NRG2: variants seen among roughly 807,000 people sequenced by gnomAD.
NRG2 encodes pro-neuregulin-2, membrane-bound isoform.
Under a neutral mutation model 73.9 loss-of-function variants are expected in NRG2, and 27 were observed. The ratio of observed to expected loss-of-function variants is 0.37; its 90% CI spans 0.27 to 0.50. The LOEUF (loss-of-function observed/expected upper bound fraction) is 0.50, where lower values mean the gene tolerates loss of function less well. Among genes scored for constraint, NRG2 ranks in the 20% least tolerant of loss-of-function variants. The pLI is 0.96. For synonymous variants in NRG2, 532 were observed against 541.0 expected, an observed-to-expected ratio of 0.98 and a Z score of 0.23; for missense variants, 1,126 against 1,210.1, an observed-to-expected ratio of 0.93 and a Z score of 1.03.
At chr5:139,936,074 GA>G (rs1265609554) in intron 1 of NRG2, among the ~76,000 whole-genome samples, 5 of 151,472 alleles carry the variant, frequency 3.3e-5, no homozygotes, top group African/African-American at 9.7e-5. Flanking sequence ...TCTTATATGA[GA>G]AAAGAAGAAA....
At chr5:140,031,305 A>G (rs1381806409) in intron 1 of NRG2, among the ~76,000 whole-genome samples, 1 of 152,210 alleles carries the variant, frequency 6.6e-6, no homozygotes, top group East Asian at 1.9e-4. Flanking sequence ...GAGGGTCAGA[A>G]GTAAAACCCA....
In NRG2 at chr5:139,848,325, G is replaced by C; in HGVS notation, c.2145C>G (p.Thr715=). The change falls in exon 10 of 10, where the codon ACC becomes ACG. Residue 715 remains threonine, a synonymous_variant. Coordinates refer to ENST00000361474, the MANE Select transcript of NRG2 (RefSeq NM_004883.3). ...GCGGCGGGGGCGCGCACTCCTGCGT[G>C]GTCTCGTACTCGTCGTCCTCGGGGA... ...FRIPEDDEYE[T]TQECAPPPPP... 8.4e-7 allele frequency: 1 copy of C among 1,196,812 alleles called. No individual in the cohort carries two copies. 74.1% of individuals were successfully genotyped at this position (1,196,812 alleles called of 1,614,324 possible).
At position 139,852,515 on chromosome 5, in the gene NRG2, T is replaced by C; in HGVS notation, c.1461A>G (p.Arg487=). ...TCCCAGAGAAGGTGGTCTCAGTTTC[T>C]CTCCTGATGACATGGTCTGTGGCTG... ...NVPATDHVIR[R]ETETTFSGSH... The change falls in exon 8 of 10, where the codon AGA becomes AGG. Residue 487 remains arginine, a synonymous_variant. Coordinates refer to ENST00000361474, the MANE Select transcript of NRG2 (RefSeq NM_004883.3). The surrounding 1 kb of genome is among the most constrained non-coding windows in gnomAD (Gnocchi z 4.4). 6.2e-7 allele frequency: 1 copy of C among 1,614,068 alleles called. No individual in the cohort carries two copies. Among genetic ancestry groups the C allele is most frequent in the East Asian group, 2.2e-5 (1 of 44,886 alleles).
rs767006924 is a variant in NRG2, at chr5:139,954,303, C to G, written c.701-66792G>C. Among the ~76,000 whole-genome samples, 2 of 152,146 alleles carry G rather than the reference C, an allele frequency of 1.3e-5. No homozygotes were observed. The highest frequency in any genetic ancestry group is 2.9e-5 in the Non-Finnish European group (2 of 68,032). On this transcript the variant is annotated intron_variant, in intron 1 of 9. Transcript: ENST00000361474. The surrounding 1 kb of genome is among the most constrained non-coding windows in gnomAD (Gnocchi z 5.0). ...GCCTGGGGCCCCAGGAGACCTGCAG[C>G]GGCTGTCTAGCCCCAGGTCCCAAGG...
At chr5:139,859,985 G>C in intron 5 of NRG2, 1 of 1,415,032 alleles carries the variant, frequency 7.1e-7, no homozygotes, top group South Asian at 1.2e-5. Context: ...GGGACAGGGG[G>C]AGAGAGAGAG....
In NRG2 at chr5:139,915,573, C is replaced by T. The variant is rs1399163804; in HGVS notation, c.701-28062G>A. ...GAGATTGCTACCAGGATTTTATTCC[C>T]AGTACTGCACTCTGACCAGGTGTCA... is the stretch of plus-strand genomic sequence containing the variant. On this transcript the variant is annotated intron_variant, in intron 1 of 9. Transcript: ENST00000361474. This position sits in a 1 kb window ranked among gnomAD's most constrained non-coding sequence, Gnocchi z 4.0. Among the ~76,000 whole-genome samples, 1 of 152,190 alleles carries T rather than the reference C, an allele frequency of 6.6e-6. No individual in the cohort carries two copies. The highest frequency in any genetic ancestry group is 2.4e-5 in the African/African-American group (1 of 41,420).
chr5:139,910,703 C>T (rs898937795), intron 1 of NRG2, among the ~76,000 whole-genome samples: 2 of 152,140 alleles, frequency 1.3e-5, no homozygotes, highest in East Asian at 3.9e-4. Flanking sequence ...GTCCCCTTTT[C>T]CTTTGCTCCT....
chr5:139,968,441 C>G (rs911410769), intron 1 of NRG2, among the ~76,000 whole-genome samples: 5 of 152,192 alleles, frequency 3.3e-5, no homozygotes, highest in African/African-American at 7.2e-5. Flanking sequence ...GGCCTGTAGA[C>G]CAGAATTTTT....
intron 1 of NRG2, among the ~76,000 whole-genome samples, chr5:139,889,217 CT>C (rs1161288266): frequency 1.3e-5 from 2 of 152,030 alleles, no homozygotes; most frequent in Non-Finnish European, 2.9e-5. Flanking sequence ...TTTCTTGGAA[CT>C]CTTGGTAGCA....
At chr5:139,965,900 G>T (rs925873801) in intron 1 of NRG2, among the ~76,000 whole-genome samples, 3 of 152,092 alleles carry the variant, frequency 2.0e-5, no homozygotes, top group Admixed American at 1.3e-4. Flanking sequence ...TGTGGGCAAG[G>T]TCCCTCCTAC....
chr5:139,852,819 C>T lies in NRG2; in HGVS notation c.1416+85G>A. ...GGCTGGCCATGGGATAGGCTGGCTGCTGCCCTGGCCCATCCTTGCAGGGGG... is the reference window on the plus strand; with the variant it reads ...GGCTGGCCATGGGATAGGCTGGCTGTTGCCCTGGCCCATCCTTGCAGGGGG... On this transcript the variant is annotated intron_variant, in intron 7 of 9. Coordinates refer to ENST00000361474, the MANE Select transcript of NRG2 (RefSeq NM_004883.3). This position sits in a 1 kb window ranked among gnomAD's most constrained non-coding sequence, Gnocchi z 4.4. 3 of 1,579,424 alleles carry T rather than the reference C, an allele frequency of 1.9e-6. No individual in the cohort carries two copies. The highest frequency in any genetic ancestry group is 1.7e-6 in the Non-Finnish European group (2 of 1,166,864).
rs143408507 is a variant in NRG2, at chr5:139,918,973, A to G, written c.701-31462T>C. Among the ~76,000 whole-genome samples, 637 of 152,308 alleles carry G rather than the reference A, an allele frequency of 4.2e-3. 3 individuals carry two copies. Among genetic ancestry groups the G allele is most frequent in the African/African-American group, 0.015 (625 of 41,560 alleles). ...AGTAAGAGGAGAATTTTCTTAGAAGAATAGGGTGAGTCAACAAGTAGCAAA... is the reference window on the plus strand; with the variant it reads ...AGTAAGAGGAGAATTTTCTTAGAAGGATAGGGTGAGTCAACAAGTAGCAAA... On this transcript the variant is annotated intron_variant, in intron 1 of 9. Coordinates refer to ENST00000361474, the MANE Select transcript of NRG2 (RefSeq NM_004883.3).
intron 1 of NRG2, among the ~76,000 whole-genome samples, chr5:139,953,437 C>T (rs1227515506): frequency 6.6e-6 from 1 of 152,192 alleles, no homozygotes; most frequent in Non-Finnish European, 1.5e-5. Context: ...GAATATCTAT[C>T]TACGCCTCTT....
In NRG2 at chr5:139,852,369, G is replaced by C; in HGVS notation, c.1544+63C>G. The C allele has an allele frequency of 8.2e-6, 13 of 1,577,118 alleles. No individual in the cohort carries two copies. Among genetic ancestry groups the C allele is most frequent in the Non-Finnish European group, 1.1e-5 (13 of 1,161,448 alleles). On this transcript the variant is annotated intron_variant, in intron 8 of 9. Transcript: ENST00000361474. The surrounding 1 kb of genome is among the most constrained non-coding windows in gnomAD (Gnocchi z 4.4). ...ATAGCTCTGGATGTCGGAGTAAGTG[G>C]GCACTTTGCGCCAGATGAAGTATGT...
intron 1 of NRG2, among the ~76,000 whole-genome samples, chr5:139,997,860 C>T (rs1009767297): frequency 6.6e-6 from 1 of 152,242 alleles, no homozygotes; most frequent in African/African-American, 2.4e-5. Flanking sequence ...GAGCCTGGAA[C>T]TAAGAGAGGG....
rs895288382 is a variant in NRG2 at position 139,853,871 on chromosome 5, C to T, written c.1293-844G>A. ...TAGTATTCAATAGCATATGGGGTGACTATAGTCAATAATAATTTAATTATA... is the reference window on the plus strand; with the variant it reads ...TAGTATTCAATAGCATATGGGGTGATTATAGTCAATAATAATTTAATTATA... On this transcript the variant is annotated intron_variant, in intron 6 of 9. Coordinates refer to ENST00000361474, the MANE Select transcript of NRG2 (RefSeq NM_004883.3). This position sits in a 1 kb window ranked among gnomAD's most constrained non-coding sequence, Gnocchi z 4.1. Among the ~76,000 whole-genome samples the T allele has an allele frequency of 1.3e-5, 2 of 152,008 alleles. No homozygotes were observed. The highest frequency in any genetic ancestry group is 4.8e-5 in the African/African-American group (2 of 41,344).
rs556679398 is a variant in NRG2 at position 139,854,690 on chromosome 5, G to A, written c.1292+986C>T. ...GGGGCAGCATGAGTCCAGACCAGGGGCTCAGTCCCCAGAATGGTGGCTCTG... is the reference window on the plus strand; with the variant it reads ...GGGGCAGCATGAGTCCAGACCAGGGACTCAGTCCCCAGAATGGTGGCTCTG... On this transcript the variant is annotated intron_variant, in intron 6 of 9. Transcript: ENST00000361474. 5.3e-5 allele frequency among the ~76,000 whole-genome samples: 8 copies of A among 152,310 alleles called. No homozygotes were observed. The South Asian group carries it at 1.7e-3, about 32-fold the overall frequency.
intron 3 of NRG2, among the ~76,000 whole-genome samples, chr5:139,873,477 G>T (rs971651751): frequency 6.6e-6 from 1 of 152,252 alleles, no homozygotes; most frequent in Non-Finnish European, 1.5e-5. Context: ...CATCACACAG[G>T]AGAGTGGAGA....
chr5:140,042,882 G>C lies in NRG2; in HGVS notation c.188C>G (p.Pro63Arg). Reference sequence around the variant, plus strand: ...CGGCTGTTGCTGCGGCCGCGGCTCTGGGGGCGCAGCGGGACGAGAGATGCT... The same window carrying C: ...CGGCTGTTGCTGCGGCCGCGGCTCTCGGGGCGCAGCGGGACGAGAGATGCT... The part of the protein sequence containing the change: ...NSSISRPAAP[P>R]EPRPQQQPQP... Residue 63 changes from proline to arginine, a missense_variant, in exon 1 of 10, where the codon CCA (proline) becomes CGA (arginine). Transcript: ENST00000361474. 2.0e-6 allele frequency: 3 copies of C among 1,519,392 alleles called. No individual in the cohort carries two copies. The highest frequency in any genetic ancestry group is 1.8e-6 in the Non-Finnish European group (2 of 1,135,312). The allele number at this position is 1,519,392 out of a possible 1,614,324, so 94.1% of individuals were successfully genotyped here.
Sources: allele counts gnomAD v4.1 joint callset (sites outside exome capture counted in the v4.1 genomes callset), GRCh38; gene constraint gnomAD v4.1.1; non-coding constraint Gnocchi (gnomAD v3.1); transcripts MANE v1.5; gene names NCBI Gene and HGNC (gene_info 2026-07-23, HGNC 2026-07-21).